The following KCNG3 variants were observed in gnomAD, a reference collection of about 807,000 sequenced individuals.
The protein encoded by KCNG3 is potassium voltage-gated channel modifier subfamily G member 3.
A neutral mutation model predicts 29.0 loss-of-function variants in KCNG3; 15 were observed. That is an observed-to-expected ratio of 0.52 (90% CI 0.35 to 0.80). The LOEUF is 0.80. Among genes scored for constraint, KCNG3 ranks in the 30% least tolerant of loss-of-function variants. KCNG3 has a pLI of 0.01. For missense variants in KCNG3, 512 were observed against 605.7 expected (o/e 0.85, Z 1.62); for synonymous variants, 322 against 248.9 (o/e 1.29, Z -2.76).
At chr2:42,414,165 T>G in the KCNG3 span, among the ~76,000 whole-genome samples, 4 of 152,372 alleles carry the variant, frequency 2.6e-5, no homozygotes, top group African/African-American at 9.6e-5. Flanking sequence ...TTTCTCTTTT[T>G]CACCTTTTCT....
chr2:42,408,449 A>G, the KCNG3 span, among the ~76,000 whole-genome samples: 2,334 of 152,230 alleles, frequency 0.015, 60 homozygotes, highest in African/African-American at 0.053. Context: ...AGACCTCAGG[A>G]TGACCAGCTG....
intron 1 of KCNG3, among the ~76,000 whole-genome samples, chr2:42,464,895 C>T (rs1369680252): frequency 1.3e-5 from 2 of 152,130 alleles, no homozygotes; most frequent in African/African-American, 4.8e-5. Context: ...GCAAGTAGGG[C>T]TGTGTGTCTT....
intron 1 of KCNG3, among the ~76,000 whole-genome samples, chr2:42,458,202 T>C (rs75215773): frequency 0.015 from 2,317 of 152,268 alleles, 56 homozygotes; most frequent in African/African-American, 0.051. Flanking sequence ...CTCAAAGTCA[T>C]TGGGATTGGC....
chr2:42,466,812 G>T (rs1048865387), intron 1 of KCNG3, among the ~76,000 whole-genome samples: 58 of 150,476 alleles, frequency 3.9e-4, no homozygotes, highest in African/African-American at 1.4e-3. Context: ...GAGTGCAGTG[G>T]TGCGATCTCG....
At chr2:42,434,354 G>A in the KCNG3 span, among the ~76,000 whole-genome samples, 2 of 150,672 alleles carry the variant, frequency 1.3e-5, no homozygotes, top group African/African-American at 4.9e-5. Flanking sequence ...TGCTCAGGAG[G>A]CTGAGACAGG....
intron 1 of KCNG3, among the ~76,000 whole-genome samples, chr2:42,446,318 A>G (rs1214858463): frequency 6.6e-6 from 1 of 151,798 alleles, no homozygotes; most frequent in Non-Finnish European, 1.5e-5. Context: ...CTGGGACTAC[A>G]GGCGCGCGCG....
chr2:42,474,649 T>A (rs1160350391), intron 1 of KCNG3, among the ~76,000 whole-genome samples: 1 of 152,208 alleles, frequency 6.6e-6, no homozygotes. Context: ...ACATTGCTAC[T>A]TCTTCTCATA....
intron 1 of KCNG3, among the ~76,000 whole-genome samples, chr2:42,448,833 C>A (rs1416740450): frequency 6.6e-6 from 1 of 152,074 alleles, no homozygotes; most frequent in East Asian, 1.9e-4. Context: ...AAGAAATTAG[C>A]CGGGCGCAGT....
downstream of KCNG3, among the ~76,000 whole-genome samples, chr2:42,438,106 G>C (rs1672405780): frequency 6.6e-6 from 1 of 152,114 alleles, no homozygotes; most frequent in Non-Finnish European, 1.5e-5. Context: ...AATTCCATCA[G>C]AGTTATAAGA....
intron 1 of KCNG3, among the ~76,000 whole-genome samples, chr2:42,484,997 T>A (rs1673685070): frequency 6.6e-6 from 1 of 152,234 alleles, no homozygotes; most frequent in Non-Finnish European, 1.5e-5. Flanking sequence ...TTTCAAATAC[T>A]GCTTTTTATT....
At chr2:42,481,076 T>G (rs898171613) in intron 1 of KCNG3, among the ~76,000 whole-genome samples, 2 of 152,204 alleles carry the variant, frequency 1.3e-5, no homozygotes, top group South Asian at 4.1e-4. Flanking sequence ...CCACTGCGCC[T>G]GGCCAAAATC....
chr2:42,446,165 T>C (rs1047711556), intron 1 of KCNG3, among the ~76,000 whole-genome samples: 9 of 151,788 alleles, frequency 5.9e-5, no homozygotes, highest in African/African-American at 2.2e-4. Flanking sequence ...AATTTTAAAT[T>C]TAATTAACAT....
the KCNG3 span, among the ~76,000 whole-genome samples, chr2:42,418,410 T>C: frequency 2.0e-5 from 3 of 152,194 alleles, no homozygotes; most frequent in African/African-American, 7.2e-5. Context: ...GATCTAGAAG[T>C]ACCCAAAAAC....
chr2:42,408,197 C>T, the KCNG3 span, among the ~76,000 whole-genome samples: 7 of 152,100 alleles, frequency 4.6e-5, no homozygotes, highest in African/African-American at 1.4e-4. Context: ...ACAGCCTGGG[C>T]GCCATGAACA....
chr2:42,491,595 A>G (rs1673878030), intron 1 of KCNG3, among the ~76,000 whole-genome samples: 1 of 152,226 alleles, frequency 6.6e-6, no homozygotes, highest in Non-Finnish European at 1.5e-5. Context: ...TAAATTCAAA[A>G]CTGTTAGAAC....
intron 1 of KCNG3, among the ~76,000 whole-genome samples, chr2:42,474,007 C>T (rs1329072989): frequency 2.0e-5 from 3 of 151,628 alleles, no homozygotes; most frequent in African/African-American, 7.3e-5. Flanking sequence ...CAAAAATTAG[C>T]TGGGTGTGGT....
chr2:42,477,453 A>G (rs1257420258), intron 1 of KCNG3, among the ~76,000 whole-genome samples: 2 of 117,588 alleles, frequency 1.7e-5, no homozygotes, highest in African/African-American at 3.4e-5. Context: ...TTTGAGACGG[A>G]GTCTTGCTCT....
At chr2:42,467,578 G>T (rs1039166470) in intron 1 of KCNG3, among the ~76,000 whole-genome samples, 2 of 151,450 alleles carry the variant, frequency 1.3e-5, no homozygotes, top group Non-Finnish European at 2.9e-5. Context: ...TGAGGCAGGA[G>T]AATCACTTGA....
intron 1 of KCNG3, among the ~76,000 whole-genome samples, chr2:42,466,321 G>A (rs112366356): frequency 0.018 from 2,713 of 152,216 alleles, 90 homozygotes; most frequent in African/African-American, 0.061. Context: ...CAGGAGAATC[G>A]CTTGAAACCA....
Sources: allele counts gnomAD v4.1 joint callset (sites outside exome capture counted in the v4.1 genomes callset), GRCh38; gene constraint gnomAD v4.1.1; transcripts MANE v1.5; gene names NCBI Gene and HGNC (gene_info 2026-07-23, HGNC 2026-07-21).